Variants in ARHGAP28 observed in about 807,000 individuals in gnomAD.
ARHGAP28 encodes the protein rho GTPase-activating protein 28.
ARHGAP28 carries 56 observed loss-of-function variants against 90.7 expected under a neutral mutation model. That is an observed-to-expected ratio of 0.62 (90% CI 0.50 to 0.77). The LOEUF (loss-of-function observed/expected upper bound fraction) is 0.77. Among genes scored for constraint, ARHGAP28 ranks in the 30% least tolerant of loss-of-function variants. ARHGAP28 has a pLI of 0.00. For missense variants in ARHGAP28, 869 were observed against 900.9 expected, an observed-to-expected ratio of 0.96 and a Z score of 0.45; for synonymous variants, 308 against 323.3, an observed-to-expected ratio of 0.95 and a Z score of 0.51.
intron 4 of ARHGAP28, among the ~76,000 whole-genome samples, chr18:6,853,075 A>G (rs1227622061): frequency 6.6e-6 from 1 of 152,028 alleles, no homozygotes; most frequent in East Asian, 1.9e-4. Context: ...CCTGTTCCTC[A>G]TTCTGAGCAC....
At chr18:6,910,873 C>T (rs1026904062) in intron 17 of ARHGAP28, among the ~76,000 whole-genome samples, 1 of 140,686 alleles carries the variant, frequency 7.1e-6, no homozygotes, top group Non-Finnish European at 1.6e-5. Flanking sequence ...GAGACGGAGT[C>T]TCGCTCTGTC....
At chr18:6,832,634 A>G (rs1021172606) in intron 2 of ARHGAP28, among the ~76,000 whole-genome samples, 9 of 151,998 alleles carry the variant, frequency 5.9e-5, no homozygotes, top group Non-Finnish European at 1.3e-4. Flanking sequence ...GACTCATTTT[A>G]TCATTATAAA....
At chr18:6,841,141 A>ACTGT (rs2056806698) in intron 3 of ARHGAP28, among the ~76,000 whole-genome samples, 3 of 60,538 alleles carry the variant, frequency 5.0e-5, no homozygotes, top group East Asian at 4.2e-4. Context: ...CTCCTCTCTC[A>ACTGT]CTGTCTCTCT....
intron 3 of ARHGAP28, among the ~76,000 whole-genome samples, chr18:6,842,652 A>G (rs1316429566): frequency 4.6e-5 from 7 of 152,048 alleles, no homozygotes; most frequent in African/African-American, 4.8e-5. Flanking sequence ...GATTTATGTT[A>G]ATTAAGAAAT....
chr18:6,758,379 G>A (rs1029434166), intron 1 of ARHGAP28, among the ~76,000 whole-genome samples: 8 of 152,092 alleles, frequency 5.3e-5, no homozygotes, highest in Non-Finnish European at 5.9e-5. Context: ...AGGCGAGTGC[G>A]GTGGCATGAT....
chr18:6,754,477 G>A (rs73380752), intron 1 of ARHGAP28, among the ~76,000 whole-genome samples: 5,533 of 152,174 alleles, frequency 0.036, 341 homozygotes, highest in African/African-American at 0.13. Flanking sequence ...CTCAAATCAC[G>A]GAGTAGGATA....
chr18:6,737,182 AT>A (rs1185155634), intron 1 of ARHGAP28, among the ~76,000 whole-genome samples: 1 of 152,212 alleles, frequency 6.6e-6, no homozygotes, highest in Admixed American at 6.5e-5. Context: ...TGTTTAAGCA[AT>A]ACACTTTGCT....
At position 6,837,258 on chromosome 18, in the gene ARHGAP28, T is replaced by G. The variant is rs764584745; in HGVS notation, c.387T>G (p.Asp129Glu). 1 of 1,599,726 alleles carries G rather than the reference T, an allele frequency of 6.3e-7. No individual in the cohort carries two copies. Among genetic ancestry groups the G allele is most frequent in the East Asian group, 2.3e-5 (1 of 43,762 alleles). Residue 129 changes from aspartate (D) to glutamate (E), a missense_variant, in exon 3 of 18, where the codon GAT becomes GAG. Transcript: ENST00000383472. ...DVGLSTLISG[D>E]EEEDGKALLS... The stretch of plus-strand genomic sequence containing the variant: ...GTTTATCAACTCTGATCTCAGGTGA[T>G]GAAGAGGAAGATGGCAAAGCCTTGC...
chr18:6,814,093 A>G (rs1161862106), intron 1 of ARHGAP28, among the ~76,000 whole-genome samples: 5 of 152,178 alleles, frequency 3.3e-5, no homozygotes, highest in African/African-American at 4.8e-5. Flanking sequence ...AAGTGTGGAA[A>G]AAGCATATTG....
intron 1 of ARHGAP28, among the ~76,000 whole-genome samples, chr18:6,767,968 G>A (rs553303840): frequency 6.6e-6 from 1 of 152,198 alleles, no homozygotes; most frequent in Non-Finnish European, 1.5e-5. Context: ...TCATCCCATA[G>A]GTCACTCAGA....
intron 1 of ARHGAP28, among the ~76,000 whole-genome samples, chr18:6,753,965 C>T (rs1388977755): frequency 1.3e-5 from 2 of 152,186 alleles, no homozygotes; most frequent in African/African-American, 4.8e-5. Context: ...ATTTCTTCTT[C>T]AGTATTACAT....
chr18:6,730,236 T>TATATATATATATATATATATATATATAGA, intron 1 of ARHGAP28: 1 of 198,762 alleles, frequency 5.0e-6, no homozygotes, highest in African/African-American at 2.4e-5. Flanking sequence ...TATATATATA[T>TATATATATATATATATATATATATATAGA]ACCTCATTTC....
chr18:6,766,624 G>C (rs1600164632), intron 1 of ARHGAP28, among the ~76,000 whole-genome samples: 1 of 152,086 alleles, frequency 6.6e-6, no homozygotes, highest in African/African-American at 2.4e-5. Flanking sequence ...AGGCCTGGCT[G>C]AGACTTTTGG....
At chr18:6,733,673 A>C (rs965894535) in intron 1 of ARHGAP28, among the ~76,000 whole-genome samples, 1 of 152,232 alleles carries the variant, frequency 6.6e-6, no homozygotes, top group African/African-American at 2.4e-5. Flanking sequence ...GCTAAAAGGC[A>C]AGAAAACCAT....
intron 10 of ARHGAP28, 105 bp downstream of exon 10, chr18:6,876,313 T>C: frequency 4.8e-6 from 4 of 835,994 alleles, no homozygotes; most frequent in Non-Finnish European, 8.0e-6. Flanking sequence ...TTAGATATTA[T>C]CACTTGGTCC....
At chr18:6,852,659 T>C (rs2056919729) in intron 4 of ARHGAP28, among the ~76,000 whole-genome samples, 1 of 152,222 alleles carries the variant, frequency 6.6e-6, no homozygotes, top group East Asian at 1.9e-4. Context: ...AACAACTTTT[T>C]CCTTTCGTGT....
intron 7 of ARHGAP28, among the ~76,000 whole-genome samples, chr18:6,872,778 CGTT>C (rs1393940497): frequency 1.4e-4 from 22 of 152,158 alleles, no homozygotes; most frequent in African/African-American, 4.8e-4. Context: ...ATGTCAGTAT[CGTT>C]GTCTTCAAAA....
intron 1 of ARHGAP28, among the ~76,000 whole-genome samples, chr18:6,737,581 A>G (rs1177898215): frequency 1.3e-5 from 2 of 152,122 alleles, no homozygotes; most frequent in African/African-American, 2.4e-5. Flanking sequence ...AGAATTTGAT[A>G]GCATTTATTT....
intron 1 of ARHGAP28, among the ~76,000 whole-genome samples, chr18:6,800,938 T>C (rs2056477276): frequency 6.6e-6 from 1 of 152,232 alleles, no homozygotes; most frequent in South Asian, 2.1e-4. Flanking sequence ...TTATCAGATA[T>C]ATGATTTGCC....
Sources: gnomAD v4.1 joint callset for allele counts (sites outside exome capture counted in the v4.1 genomes callset) on GRCh38, gnomAD v4.1.1 for gene constraint, MANE v1.5 for transcripts, NCBI Gene and HGNC (gene_info 2026-07-23, HGNC 2026-07-21) for gene names.